The following MYOM1 variants were observed in gnomAD, a reference collection of about 807,000 sequenced individuals.
MYOM1 encodes myomesin-1.
In MYOM1, 164 loss-of-function variants were observed where a neutral mutation model predicts 205.3. The ratio of observed to expected loss-of-function variants is 0.80; its 90% CI spans 0.70 to 0.91. The LOEUF is 0.91. MYOM1 is among the 40% of genes least tolerant of loss of function. The pLI is 0.00. For synonymous variants in MYOM1, 772 were observed against 789.4 expected (o/e 0.98, Z 0.37); for missense variants, 2,011 against 2,127.3 (o/e 0.95, Z 1.08).
chr18:3,151,468 TAAAATAAATA>T (rs1454188591), intron 12 of MYOM1, among the ~76,000 whole-genome samples: 14 of 129,102 alleles, frequency 1.1e-4, no homozygotes, highest in Admixed American at 3.4e-4. Flanking sequence ...TAAAATAAAA[TAAAATAAATA>T]AAATAAAATA....
rs1311877427 is a variant in MYOM1 at position 3,148,820 on chromosome 18, T to G, written c.1900+325A>C. On this transcript the variant is annotated intron_variant, in intron 13 of 37. Transcript: ENST00000356443. Reference sequence around the variant, plus strand: ...GAGATCGCACCATTGCACTCCACCCTGGGCGACAGAGCGAGACTCCATCCA... The same window carrying G: ...GAGATCGCACCATTGCACTCCACCCGGGGCGACAGAGCGAGACTCCATCCA... Among the ~76,000 whole-genome samples the G allele has an allele frequency of 1.5e-4, 17 of 110,480 alleles. No homozygotes were observed. In the East Asian group the frequency reaches 5.1e-3, roughly 33 times the overall value. The allele number at this position is 110,480 out of a possible 152,430, so 72.5% of individuals were successfully genotyped here. A position where few individuals can be genotyped will look rare whatever the true frequency, so the allele number is the denominator to read the frequency against.
intron 5 of MYOM1, among the ~76,000 whole-genome samples, chr18:3,184,449 T>A (rs2080781839): frequency 6.6e-6 from 1 of 152,264 alleles, no homozygotes; most frequent in Admixed American, 6.5e-5. Context: ...CCCTGTTTAC[T>A]GCCATTTCCA....
intron 2 of MYOM1, among the ~76,000 whole-genome samples, chr18:3,214,308 T>C (rs2081227595): frequency 6.6e-6 from 1 of 152,194 alleles, no homozygotes; most frequent in Non-Finnish European, 1.5e-5. Flanking sequence ...ACTGAAATGA[T>C]CTTTTCTCGC....
chr18:3,080,536 T>G (rs183405836), intron 33 of MYOM1, among the ~76,000 whole-genome samples: 2 of 151,884 alleles, frequency 1.3e-5, no homozygotes, highest in African/African-American at 4.8e-5. Flanking sequence ...TAGCTGGGCA[T>G]GGTGGCATGT....
chr18:3,111,529 T>C (rs1254183586), intron 22 of MYOM1, among the ~76,000 whole-genome samples: 1 of 152,168 alleles, frequency 6.6e-6, no homozygotes, highest in Non-Finnish European at 1.5e-5. Flanking sequence ...GGGCTAAATC[T>C]GGCCCATTAC....
At chr18:3,112,493 C>T in intron 21 of MYOM1, 81 bp from the exon 22 acceptor site, 3 of 1,049,940 alleles carry the variant, frequency 2.9e-6, no homozygotes, top group Non-Finnish European at 4.1e-6. Flanking sequence ...CGGGGCTCTT[C>T]CTCTGTAGTA....
At chr18:3,144,726 G>T (rs2080100799) in intron 13 of MYOM1, among the ~76,000 whole-genome samples, 1 of 152,090 alleles carries the variant, frequency 6.6e-6, no homozygotes, top group African/African-American at 2.4e-5. Flanking sequence ...ATTACCATGG[G>T]TAAAAGAAGT....
rs3765623 is a variant in MYOM1, at chr18:3,086,067, C to A, written c.4222G>T (p.Asp1408Tyr). The A allele has an allele frequency of 2.5e-6, 4 of 1,609,116 alleles. No homozygotes were observed. The East Asian group carries it at 8.9e-5, about 36-fold the overall frequency. The change falls in exon 30 of 38, where the codon GAT becomes TAT. Residue 1408 changes from aspartate to tyrosine, a missense_variant. Asp to Tyr is a radical substitution (Grantham distance 160, BLOSUM62 -3). Coordinates refer to ENST00000356443, the MANE Select transcript of MYOM1 (RefSeq NM_003803.4). ...GTTATAAGCAGGGTACATATACCATCCTTAAAGTCATGCTTTTCATCCACT... is the reference window on the plus strand; with the variant it reads ...GTTATAAGCAGGGTACATATACCATACTTAAAGTCATGCTTTTCATCCACT... ...ISVDEKHDFK[D>Y]GICTLLITEF...
rs2081308680 is a variant in MYOM1, at chr18:3,219,635, C to A, written c.-29+168G>T. 6.6e-6 allele frequency among the ~76,000 whole-genome samples: 1 copy of A among 152,234 alleles called. No individual in the cohort carries two copies. Among genetic ancestry groups the A allele is most frequent in the African/African-American group, 2.4e-5 (1 of 41,446 alleles). On this transcript the variant is annotated intron_variant, in intron 1 of 37. Transcript: ENST00000356443. This position sits in a 1 kb window ranked among gnomAD's most constrained non-coding sequence, Gnocchi z 4.4. ...CTGTGCCAGCCCGACTGGCACCCGG[C>A]TGTTCTGGTTTCCCTCCCTGGAGCT...
chr18:3,239,044 C>A, the MYOM1 span, among the ~76,000 whole-genome samples: 1 of 152,324 alleles, frequency 6.6e-6, no homozygotes. Flanking sequence ...TGATTCTCCT[C>A]TGCTGTGTAA....
At chr18:3,172,778 T>C (rs1598742045) in intron 8 of MYOM1, among the ~76,000 whole-genome samples, 1 of 152,220 alleles carries the variant, frequency 6.6e-6, no homozygotes, top group African/African-American at 2.4e-5. Flanking sequence ...CGCAAAGTGT[T>C]GGGATTACAG....
At chr18:3,084,230 A>G (rs2079123666) in intron 31 of MYOM1, among the ~76,000 whole-genome samples, 1 of 151,900 alleles carries the variant, frequency 6.6e-6, no homozygotes, top group Admixed American at 6.6e-5. Context: ...GCTTATTTTG[A>G]TTTTTTTTCC....
At chr18:3,123,108 G>C (rs142993155) in intron 19 of MYOM1, among the ~76,000 whole-genome samples, 1 of 152,152 alleles carries the variant, frequency 6.6e-6, no homozygotes, top group Non-Finnish European at 1.5e-5. Flanking sequence ...TTACAGGTGT[G>C]AGCCACCATG....
intron 19 of MYOM1, among the ~76,000 whole-genome samples, chr18:3,123,605 G>A (rs1325612618): frequency 6.6e-6 from 1 of 150,778 alleles, no homozygotes; most frequent in African/African-American, 2.4e-5. Context: ...ATTCTAATGG[G>A]TTTAGTTGGG....
intron 25 of MYOM1, among the ~76,000 whole-genome samples, chr18:3,096,471 T>C (rs2079306026): frequency 6.7e-6 from 1 of 148,612 alleles, no homozygotes; most frequent in African/African-American, 2.5e-5. Flanking sequence ...TTTTTTGAGA[T>C]GGAGTCTCAC....
At chr18:3,198,552 G>A (rs1453729833) in intron 2 of MYOM1, among the ~76,000 whole-genome samples, 5 of 152,108 alleles carry the variant, frequency 3.3e-5, no homozygotes, top group East Asian at 1.9e-4. Context: ...TTGGGAGGCC[G>A]AGGTGGGTGG....
At chr18:3,112,804 A>T (rs1166111107) in intron 21 of MYOM1, among the ~76,000 whole-genome samples, 61 of 152,194 alleles carry the variant, frequency 4.0e-4, no homozygotes, top group Non-Finnish European at 7.3e-5. Flanking sequence ...TTTTCCCCCC[A>T]ATCCTTTTGA....
At chr18:3,145,176 G>A (rs1598719219) in intron 13 of MYOM1, among the ~76,000 whole-genome samples, 1 of 152,018 alleles carries the variant, frequency 6.6e-6, no homozygotes, top group African/African-American at 2.4e-5. Context: ...TGGCATGGTG[G>A]TATGTGCCTA....
At chr18:3,136,427 T>A (rs1032336173) in intron 14 of MYOM1, among the ~76,000 whole-genome samples, 1 of 152,038 alleles carries the variant, frequency 6.6e-6, no homozygotes, top group Admixed American at 6.6e-5. Flanking sequence ...AATTAAATTT[T>A]ATTTTATTTT....
Sources: allele counts gnomAD v4.1 joint callset (sites outside exome capture counted in the v4.1 genomes callset), GRCh38; gene constraint gnomAD v4.1.1; non-coding constraint Gnocchi (gnomAD v3.1); transcripts MANE v1.5; gene names NCBI Gene and HGNC (gene_info 2026-07-23, HGNC 2026-07-21).